The following KCNMB4 variants were observed in gnomAD, a reference collection of about 807,000 sequenced individuals.
KCNMB4 encodes calcium-activated potassium channel subunit beta-4.
A neutral mutation model predicts 20.7 loss-of-function variants in KCNMB4; 3 were observed. The ratio of observed to expected loss-of-function variants is 0.14; its 90% confidence interval spans 0.07 to 0.37. The LOEUF is 0.37. Ranked by LOEUF, KCNMB4 falls within the 10% of genes least tolerant of loss-of-function variation. The pLI, the probability that KCNMB4 is intolerant of heterozygous loss-of-function variation, is 1.00. For synonymous variants in KCNMB4, 110 were observed against 113.4 expected (o/e 0.97, Z 0.19); for missense variants, 168 against 265.9 (o/e 0.63, Z 2.56).
intron 2 of KCNMB4, among the ~76,000 whole-genome samples, chr12:70,418,614 GA>G (rs1181746209): frequency 6.6e-6 from 1 of 152,112 alleles, no homozygotes; most frequent in African/African-American, 2.4e-5. Context: ...TTTGCTCCGT[GA>G]TTAATCCTTC....
chr12:70,430,630 A>G lies in KCNMB4; in HGVS notation c.610A>G (p.Met204Val), dbSNP rs758204989. 13 of 1,610,544 alleles carry G rather than the reference A, an allele frequency of 8.1e-6. No individual in the cohort carries two copies. Among genetic ancestry groups the G allele is most frequent in the African/African-American group, 1.3e-5 (1 of 74,732 alleles). The change falls in exon 3 of 3, where the codon ATG (methionine) becomes GTG (valine). Residue 204 changes from methionine (M) to valine (V), a missense_variant. By Grantham distance (21) the Met-to-Val change is conservative. Coordinates refer to ENST00000258111, the MANE Select transcript of KCNMB4 (RefSeq NM_014505.6). ...GAGCTTGGCGGTCAAGGCGGAAGCC[A>G]TGAAGAAGCGCAAGTTCTCTTAAAG... ...AKSLAVKAEA[M>V]KKRKFS
At chr12:70,427,861 A>C (rs1023233373) in intron 2 of KCNMB4, among the ~76,000 whole-genome samples, 2 of 152,222 alleles carry the variant, frequency 1.3e-5, no homozygotes, top group African/African-American at 2.4e-5. Flanking sequence ...GAGTGACTGG[A>C]GTATGAATAC....
At chr12:70,397,574 A>G (rs1292171428) in intron 1 of KCNMB4, among the ~76,000 whole-genome samples, 3 of 152,196 alleles carry the variant, frequency 2.0e-5, no homozygotes, top group African/African-American at 4.8e-5. Flanking sequence ...TTTTTTAAAA[A>G]TCTCACATGA....
At chr12:70,407,041 A>C (rs1868623773) in intron 2 of KCNMB4, among the ~76,000 whole-genome samples, 1 of 152,180 alleles carries the variant, frequency 6.6e-6, no homozygotes, top group South Asian at 2.1e-4. Context: ...CCCACAAATT[A>C]AAGGGTCCAG....
chr12:70,366,677 C>T lies in KCNMB4; in HGVS notation c.-58C>T, dbSNP rs1237873379. ...TCCTCCCGCCCGAGGCAGTCGGGCTCGGCGCCGGGGGCGGGAGGGGGCGGG... is the reference window on the plus strand; with the variant it reads ...TCCTCCCGCCCGAGGCAGTCGGGCTTGGCGCCGGGGGCGGGAGGGGGCGGG... On this transcript the variant is annotated 5_prime_UTR_variant, in exon 1 of 3. Coordinates refer to ENST00000258111, the MANE Select transcript of KCNMB4 (RefSeq NM_014505.6). The T allele has an allele frequency of 5.4e-6, 7 of 1,294,004 alleles. No individual in the cohort carries two copies. In the African/African-American group the frequency reaches 7.0e-5, roughly 13 times the overall value. 80.2% of individuals were successfully genotyped at this position (1,294,004 alleles called of 1,614,324 possible).
intron 1 of KCNMB4, among the ~76,000 whole-genome samples, chr12:70,398,517 A>G (rs774215074): frequency 6.6e-6 from 1 of 152,178 alleles, no homozygotes; most frequent in Non-Finnish European, 1.5e-5. Flanking sequence ...GTAGAACTAT[A>G]TGTGCAGAAG....
At chr12:70,413,758 C>G (rs1868844776) in intron 2 of KCNMB4, among the ~76,000 whole-genome samples, 1 of 152,160 alleles carries the variant, frequency 6.6e-6, no homozygotes, top group African/African-American at 2.4e-5. Context: ...GTGGACATCA[C>G]CTCCTCCTGA....
intron 1 of KCNMB4, among the ~76,000 whole-genome samples, chr12:70,373,120 C>T (rs571645697): frequency 2.0e-5 from 3 of 152,076 alleles, no homozygotes; most frequent in African/African-American, 4.8e-5. Context: ...ACCCAGGCAG[C>T]CAGGATGGGT....
At chr12:70,428,539 T>C (rs1396176225) in intron 2 of KCNMB4, among the ~76,000 whole-genome samples, 1 of 152,202 alleles carries the variant, frequency 6.6e-6, no homozygotes. Context: ...ATCACGGCAG[T>C]GCTGGGATGG....
intron 2 of KCNMB4, among the ~76,000 whole-genome samples, chr12:70,404,369 G>A (rs1252524275): frequency 6.6e-6 from 1 of 152,112 alleles, no homozygotes; most frequent in Non-Finnish European, 1.5e-5. Flanking sequence ...GGAGAGTACT[G>A]AGTGAAAAAC....
chr12:70,388,312 T>C (rs756285889), intron 1 of KCNMB4, among the ~76,000 whole-genome samples: 39 of 152,196 alleles, frequency 2.6e-4, no homozygotes, highest in Non-Finnish European at 4.9e-4. Flanking sequence ...TTCTTTGATA[T>C]ACTGATTTCT....
chr12:70,398,646 T>G (rs1868381366), intron 1 of KCNMB4, among the ~76,000 whole-genome samples: 1 of 152,232 alleles, frequency 6.6e-6, no homozygotes, highest in African/African-American at 2.4e-5. Context: ...TTTAAAAGTT[T>G]AAACACTGTG....
chr12:70,396,504 C>T (rs1041501756), intron 1 of KCNMB4, among the ~76,000 whole-genome samples: 3 of 152,140 alleles, frequency 2.0e-5, no homozygotes, highest in Admixed American at 2.0e-4. Context: ...TGGGGTTTTA[C>T]CCTGCTGTCC....
chr12:70,409,555 C>T (rs1463821361), intron 2 of KCNMB4, among the ~76,000 whole-genome samples: 7 of 152,150 alleles, frequency 4.6e-5, no homozygotes, highest in South Asian at 2.1e-4. Context: ...ATAGCAGACA[C>T]GGTCCTTGCC....
At chr12:70,420,437 G>C (rs1869020660) in intron 2 of KCNMB4, among the ~76,000 whole-genome samples, 1 of 152,118 alleles carries the variant, frequency 6.6e-6, no homozygotes, top group South Asian at 2.1e-4. Context: ...AGAGTAGTAG[G>C]GGATGTGATC....
chr12:70,388,567 A>G (rs922871276), intron 1 of KCNMB4, among the ~76,000 whole-genome samples: 1 of 151,938 alleles, frequency 6.6e-6, no homozygotes, highest in Non-Finnish European at 1.5e-5. Context: ...AACTGGGGTG[A>G]GATGATATCT....
At position 70,432,680 on chromosome 12, in the gene KCNMB4, A is replaced by G. The variant is rs754362983; in HGVS notation, c.*2027A>G. On this transcript the variant is annotated 3_prime_UTR_variant, in exon 3 of 3. Transcript: ENST00000258111. ...GAGGCAGCTCCAGTGCCTTGACTTC[A>G]ATCCCAGTTTCCGGTTGCAGCATCC... The G allele has an allele frequency of 2.6e-5, 4 of 152,198 alleles. No individual in the cohort carries two copies. Among genetic ancestry groups the G allele is most frequent in the Non-Finnish European group, 4.4e-5 (3 of 68,048 alleles). The allele number at this position is 152,198 out of a possible 1,614,324, so 9.4% of individuals were successfully genotyped here. A position where few individuals can be genotyped will look rare whatever the true frequency, so the allele number is the denominator to read the frequency against.
At chr12:70,394,882 G>T (rs1051380383) in intron 1 of KCNMB4, among the ~76,000 whole-genome samples, 11 of 152,042 alleles carry the variant, frequency 7.2e-5, no homozygotes, top group African/African-American at 2.7e-4. Context: ...GCCCAGTGTG[G>T]TCTTGAACTC....
intron 2 of KCNMB4, among the ~76,000 whole-genome samples, chr12:70,407,308 A>T (rs1274876846): frequency 1.3e-5 from 2 of 152,046 alleles, no homozygotes; most frequent in Non-Finnish European, 2.9e-5. Context: ...ACCTTGATGT[A>T]TGCACCAACC....
Sources: allele counts gnomAD v4.1 joint callset (sites outside exome capture counted in the v4.1 genomes callset), GRCh38; gene constraint gnomAD v4.1.1; transcripts MANE v1.5; gene names NCBI Gene and HGNC (gene_info 2026-07-23, HGNC 2026-07-21).